The following BMP7 variants were observed in gnomAD, a reference collection of about 807,000 sequenced individuals.
The protein encoded by BMP7 is bone morphogenetic protein 7.
BMP7 carries 12 observed loss-of-function variants against 41.2 expected under a neutral mutation model. That is an observed-to-expected ratio of 0.29 (90% CI 0.19 to 0.47). The LOEUF is 0.47. Ranked by LOEUF, BMP7 falls within the 20% of genes least tolerant of loss-of-function variation. BMP7 has a pLI of 0.99. For synonymous variants in BMP7, 248 were observed against 250.0 expected (o/e 0.99, Z 0.07); for missense variants, 467 against 606.0 (o/e 0.77, Z 2.41).
intron 2 of BMP7, among the ~76,000 whole-genome samples, chr20:57,225,058 G>C (rs775447462): frequency 1.3e-5 from 2 of 152,206 alleles, no homozygotes; most frequent in Non-Finnish European, 2.9e-5. Context: ...GGCAGCTGGC[G>C]GCACAGAGAC....
chr20:57,221,613 G>A (rs976838619), intron 2 of BMP7, among the ~76,000 whole-genome samples: 1 of 152,112 alleles, frequency 6.6e-6, no homozygotes, highest in Admixed American at 6.5e-5. Flanking sequence ...AAGAGTTTGA[G>A]ATCAGCCTGG....
At position 57,169,078 on chromosome 20, in the gene BMP7, G is replaced by T. The variant is rs1351279111; in HGVS notation, c.*1881C>A. 6.6e-6 allele frequency: 1 copy of T among 151,982 alleles called. No homozygotes were observed. The highest frequency in any genetic ancestry group is 2.4e-5 in the African/African-American group (1 of 41,354). 9.4% of individuals were successfully genotyped at this position (151,982 alleles called of 1,614,324 possible). ...TGGGTCAGAAAACTCACACCAAGAG[G>T]GATCACACAAAAAGCCCCAGCTCTG... On this transcript the variant is annotated 3_prime_UTR_variant, in exon 7 of 7. Coordinates refer to ENST00000395863, the MANE Select transcript of BMP7 (RefSeq NM_001719.3).
At chr20:57,245,447 A>T (rs2066086386) in intron 1 of BMP7, among the ~76,000 whole-genome samples, 1 of 152,068 alleles carries the variant, frequency 6.6e-6, no homozygotes, top group African/African-American at 2.4e-5. Flanking sequence ...CCTGAGCTCA[A>T]GTGATCCTCC....
chr20:57,173,451 G>A, intron 5 of BMP7, 141 bp from the exon 6 acceptor site: 2 of 796,018 alleles, frequency 2.5e-6, no homozygotes, highest in Admixed American at 2.0e-5. Flanking sequence ...AGCAGCAGGG[G>A]GCCCAGCAGG....
chr20:57,172,699 C>T (rs541775709), intron 6 of BMP7, among the ~76,000 whole-genome samples: 5 of 152,326 alleles, frequency 3.3e-5, no homozygotes, highest in Admixed American at 6.5e-5. Context: ...GTGCTGGGCA[C>T]GTTAATCTCA....
rs1425672698 is a variant in BMP7 at position 57,215,310 on chromosome 20, C to T, written c.612-12687G>A. ...GTGCCCCCATTTACTGTCCCCATCA[C>T]CTCTTCGGAGCCACCTCCTTTCCCC... On this transcript the variant is annotated intron_variant, in intron 2 of 6. Transcript: ENST00000395863. This position sits in a 1 kb window ranked among gnomAD's most constrained non-coding sequence, Gnocchi z 4.2. 1.3e-5 allele frequency among the ~76,000 whole-genome samples: 2 copies of T among 152,260 alleles called. No homozygotes were observed. Among genetic ancestry groups the T allele is most frequent in the Non-Finnish European group, 2.9e-5 (2 of 68,058 alleles).
intron 2 of BMP7, among the ~76,000 whole-genome samples, chr20:57,226,596 G>C (rs4810061): frequency 0.15 from 22,663 of 152,208 alleles, 1,902 homozygotes; most frequent in East Asian, 0.33. Context: ...CCCCTGGAAA[G>C]GGCTGCCAAG....
chr20:57,225,880 ACGTGAGCTT>A lies in BMP7; in HGVS notation c.611+2340_611+2348del, dbSNP rs570858315. 1.5e-3 allele frequency: 706 copies of A among 471,140 alleles called. 6 individuals are homozygous for A. Among genetic ancestry groups the A allele is most frequent in the African/African-American group, 0.013 (645 of 50,030 alleles). The allele number at this position is 471,140 out of a possible 1,614,324, so 29.2% of individuals were successfully genotyped here. A position where few individuals can be genotyped will look rare whatever the true frequency, so the allele number is the denominator to read the frequency against. ...CTGCCATGTCCTCTCCTCTGCTGGA[ACGTGAGCTT>A]CCAGAGGGCAGGGACTCGTGTCTGG... On this transcript the variant is annotated intron_variant, in intron 2 of 6. Coordinates refer to ENST00000395863, the MANE Select transcript of BMP7 (RefSeq NM_001719.3).
chr20:57,171,676 C>T lies in BMP7; in HGVS notation c.1147-568G>A, dbSNP rs555004693. Among the ~76,000 whole-genome samples the T allele has an allele frequency of 6.6e-6, 1 of 152,328 alleles. No individual in the cohort carries two copies. The highest frequency in any genetic ancestry group is 2.4e-5 in the African/African-American group (1 of 41,574). ...AAGATCAGTGTTAGCAGATCTGCCA[C>T]GTGTTCAAGACAGGCCAGAGATTCC... On this transcript the variant is annotated intron_variant, in intron 6 of 6. Transcript: ENST00000395863. The surrounding 1 kb of genome is among the most constrained non-coding windows in gnomAD (Gnocchi z 4.5).
At chr20:57,249,093 G>A (rs6127981) in intron 1 of BMP7, among the ~76,000 whole-genome samples, 1 of 151,874 alleles carries the variant, frequency 6.6e-6, no homozygotes, top group African/African-American at 2.4e-5. Context: ...GAGCCACCAC[G>A]CCCGGCTGAC....
At chr20:57,212,025 G>GAGCCAGAGACACAGCGGC (rs1229742289) in intron 2 of BMP7, among the ~76,000 whole-genome samples, 56 of 152,348 alleles carry the variant, frequency 3.7e-4, no homozygotes, top group African/African-American at 1.3e-3. Context: ...GCTCTGCTAG[G>GAGCCAGAGACACAGCGGC]AGCCAGAGAC....
At position 57,228,088 on chromosome 20, in the gene BMP7, A is replaced by T. The variant is rs533879436; in HGVS notation, c.611+141T>A. The T allele has an allele frequency of 2.2e-4, 215 of 966,494 alleles. 1 individual carries two copies. In the African/African-American group the frequency reaches 3.0e-3, roughly 13 times the overall value. 59.9% of individuals were successfully genotyped at this position (966,494 alleles called of 1,614,324 possible). On this transcript the variant is annotated intron_variant, in intron 2 of 6. Coordinates refer to ENST00000395863, the MANE Select transcript of BMP7 (RefSeq NM_001719.3). The surrounding 1 kb of genome is among the most constrained non-coding windows in gnomAD (Gnocchi z 4.5). ...TTTAAGGAAGTGACATACACCATAC[A>T]CCTTCTTTAGAAGGGATAATCTGGT...
At chr20:57,248,059 G>C (rs1358487127) in intron 1 of BMP7, among the ~76,000 whole-genome samples, 1 of 152,178 alleles carries the variant, frequency 6.6e-6, no homozygotes. Flanking sequence ...ATCTTTCTAT[G>C]AGCTACAGAG....
intron 3 of BMP7, among the ~76,000 whole-genome samples, chr20:57,196,389 T>G (rs925700364): frequency 3.3e-5 from 5 of 152,196 alleles, no homozygotes; most frequent in Admixed American, 6.5e-5. Context: ...CTGGTCGGAC[T>G]CCTCCTAGAA....
chr20:57,191,734 C>CATAT (rs113487248), intron 3 of BMP7, among the ~76,000 whole-genome samples: 23 of 139,990 alleles, frequency 1.6e-4, no homozygotes, highest in Middle Eastern at 3.6e-3. Flanking sequence ...CCACCTAAAA[C>CATAT]ATATATATAT....
chr20:57,227,511 G>C (rs2066012130), intron 2 of BMP7, among the ~76,000 whole-genome samples: 1 of 151,748 alleles, frequency 6.6e-6, no homozygotes, highest in African/African-American at 2.4e-5. Flanking sequence ...ACATCACAAG[G>C]AGGTGCCCAC....
rs554047891 is a variant in BMP7, at chr20:57,224,873, G to A, written c.611+3356C>T. Reference sequence around the variant, plus strand: ...CAGGGCTATGGAAGGCCTCCAGCTCGGCTCATTATCGGAATTTAATCTGGA... The same window carrying A: ...CAGGGCTATGGAAGGCCTCCAGCTCAGCTCATTATCGGAATTTAATCTGGA... On this transcript the variant is annotated intron_variant, in intron 2 of 6. Transcript: ENST00000395863. This position sits in a 1 kb window ranked among gnomAD's most constrained non-coding sequence, Gnocchi z 4.8. 6.6e-6 allele frequency: 1 copy of A among 152,400 alleles called. No individual in the cohort carries two copies. The highest frequency in any genetic ancestry group is 2.4e-5 in the African/African-American group (1 of 41,572). The allele number at this position is 152,400 out of a possible 1,614,324, so 9.4% of individuals were successfully genotyped here.
chr20:57,191,765 AT>A (rs1392652067), intron 3 of BMP7, among the ~76,000 whole-genome samples: 2 of 142,958 alleles, frequency 1.4e-5, no homozygotes, highest in African/African-American at 5.2e-5. Flanking sequence ...ATAATATATA[AT>A]ATATATAATA....
chr20:57,183,596 G>A, intron 4 of BMP7, 126 bp downstream of exon 4: 3 of 1,243,870 alleles, frequency 2.4e-6, no homozygotes, highest in Middle Eastern at 2.6e-4. Context: ...TTTTCTTCCT[G>A]CTATATTTGT....
Sources: allele counts gnomAD v4.1 joint callset (sites outside exome capture counted in the v4.1 genomes callset), GRCh38; gene constraint gnomAD v4.1.1; non-coding constraint Gnocchi (gnomAD v3.1); transcripts MANE v1.5; gene names NCBI Gene and HGNC (gene_info 2026-07-23, HGNC 2026-07-21).